Variants in SGCZ observed in about 807,000 individuals in gnomAD.
The protein encoded by SGCZ is zeta-sarcoglycan.
Under a neutral mutation model 41.3 loss-of-function variants are expected in SGCZ, and 40 were observed. The observed-to-expected ratio is 0.97, with a 90% confidence interval of 0.75 to 1.26. SGCZ has a LOEUF of 1.26. Ranked by LOEUF, SGCZ falls within the 50% of genes most tolerant of loss-of-function variation. The pLI, the probability that SGCZ is intolerant of heterozygous loss-of-function variation, is 0.00. For missense variants in SGCZ, 552 were observed against 369.8 expected (o/e 1.49, Z -4.04); for synonymous variants, 206 against 137.5 (o/e 1.50, Z -3.49).
intron 2 of SGCZ, among the ~76,000 whole-genome samples, chr8:14,424,831 G>A (rs375690680): frequency 2.6e-5 from 4 of 152,248 alleles, no homozygotes; most frequent in Admixed American, 6.5e-5. Context: ...TTATGCTGAT[G>A]TTGACAAGGA....
At chr8:14,136,221 T>A (rs997588842) in intron 5 of SGCZ, among the ~76,000 whole-genome samples, 1 of 152,104 alleles carries the variant, frequency 6.6e-6, no homozygotes, top group African/African-American at 2.4e-5. Flanking sequence ...AGTCTACAGC[T>A]CCCAGTGTGA....
chr8:14,211,146 G>A (rs915851013), intron 4 of SGCZ, among the ~76,000 whole-genome samples: 1 of 152,046 alleles, frequency 6.6e-6, no homozygotes, highest in Non-Finnish European at 1.5e-5. Context: ...GTTTTTCCTT[G>A]CCAGCTGGCA....
intron 2 of SGCZ, among the ~76,000 whole-genome samples, chr8:14,495,808 C>T (rs368295443): frequency 1.3e-5 from 2 of 152,028 alleles, no homozygotes; most frequent in East Asian, 3.9e-4. Context: ...TTTTTGAAGC[C>T]ATCCAAAAGC....
At chr8:14,188,730 G>C (rs1424624988) in intron 4 of SGCZ, among the ~76,000 whole-genome samples, 1 of 151,368 alleles carries the variant, frequency 6.6e-6, no homozygotes, top group East Asian at 1.9e-4. Flanking sequence ...AACTCTTCTA[G>C]CAAGTTTCAT....
intron 3 of SGCZ, among the ~76,000 whole-genome samples, chr8:14,247,686 G>T (rs1027917587): frequency 3.9e-5 from 6 of 152,230 alleles, no homozygotes; most frequent in African/African-American, 1.4e-4. Context: ...CTTCTATGTT[G>T]GGTTGCCACT....
chr8:15,237,103 T>A (rs951700339), intron 1 of SGCZ, among the ~76,000 whole-genome samples: 7 of 152,192 alleles, frequency 4.6e-5, no homozygotes, highest in Non-Finnish European at 8.8e-5. Flanking sequence ...GATGCCTCTG[T>A]CACGCGAATC....
rs572235196 is a variant in SGCZ at position 14,511,463 on chromosome 8, G to A, written c.234+43269C>T. Reference sequence around the variant, plus strand: ...AGAGTAATTTTTAAAAGAAGAACAAGCATAAGTGGACCAGCAAATGTGGTA... The same window carrying A: ...AGAGTAATTTTTAAAAGAAGAACAAACATAAGTGGACCAGCAAATGTGGTA... On this transcript the variant is annotated intron_variant, in intron 2 of 7. Coordinates refer to ENST00000382080, the MANE Select transcript of SGCZ (RefSeq NM_139167.4). Among the ~76,000 whole-genome samples, 37 of 152,034 alleles carry A rather than the reference G, an allele frequency of 2.4e-4. 1 individual carries two copies. The highest frequency in any genetic ancestry group is 7.7e-4 in the African/African-American group (32 of 41,526).
At chr8:15,166,340 C>T (rs897888347) in intron 1 of SGCZ, among the ~76,000 whole-genome samples, 1 of 151,800 alleles carries the variant, frequency 6.6e-6, no homozygotes, top group South Asian at 2.1e-4. Flanking sequence ...CTCTGCCTCC[C>T]GGGTTCACAC....
At chr8:15,170,695 G>C (rs55724220) in intron 1 of SGCZ, among the ~76,000 whole-genome samples, 1 of 152,126 alleles carries the variant, frequency 6.6e-6, no homozygotes, top group Admixed American at 6.5e-5. Flanking sequence ...GTTTTATGCA[G>C]AATAGTCGAT....
intron 7 of SGCZ, among the ~76,000 whole-genome samples, chr8:14,093,713 T>C (rs1801757712): frequency 6.6e-6 from 1 of 152,102 alleles, no homozygotes. Context: ...AGAATTCATA[T>C]ATCATAAGTA....
At chr8:14,580,862 G>C (rs1051402462) in intron 1 of SGCZ, among the ~76,000 whole-genome samples, 2 of 152,176 alleles carry the variant, frequency 1.3e-5, no homozygotes, top group Admixed American at 6.5e-5. Context: ...TCCAGCGATA[G>C]AAACATCATG....
intron 1 of SGCZ, among the ~76,000 whole-genome samples, chr8:14,610,703 G>GA (rs563872347): frequency 3.3e-4 from 50 of 152,156 alleles, no homozygotes; most frequent in African/African-American, 1.2e-3. Context: ...TTCATAAAAT[G>GA]AAAAAAATAA....
intron 3 of SGCZ, among the ~76,000 whole-genome samples, chr8:14,266,799 A>G (rs537046493): frequency 9.2e-5 from 14 of 152,262 alleles, no homozygotes; most frequent in Admixed American, 8.5e-4. Context: ...GAAGTAAATT[A>G]TGATGAAACT....
chr8:14,127,213 G>A (rs1313082862), intron 5 of SGCZ, among the ~76,000 whole-genome samples: 1 of 152,102 alleles, frequency 6.6e-6, no homozygotes, highest in Non-Finnish European at 1.5e-5. Context: ...TATTGTCAGT[G>A]AGAAAGCATA....
intron 2 of SGCZ, among the ~76,000 whole-genome samples, chr8:14,501,431 T>C (rs1008798655): frequency 6.6e-6 from 1 of 151,956 alleles, no homozygotes; most frequent in African/African-American, 2.4e-5. Context: ...AATTTAAAAT[T>C]TTAATACATA....
chr8:14,620,293 A>G (rs59322159), intron 1 of SGCZ, among the ~76,000 whole-genome samples: 6,837 of 152,216 alleles, frequency 0.045, 500 homozygotes, highest in African/African-American at 0.16. Context: ...TTAATTCAAG[A>G]TGGATTAAAG....
At chr8:14,774,564 A>C (rs890382769) in intron 1 of SGCZ, among the ~76,000 whole-genome samples, 1 of 152,154 alleles carries the variant, frequency 6.6e-6, no homozygotes, top group Non-Finnish European at 1.5e-5. Flanking sequence ...ATCAATCCTC[A>C]TGGTATTAGA....
intron 1 of SGCZ, among the ~76,000 whole-genome samples, chr8:14,886,002 TATATATATA>T (rs1804783221): frequency 1.1e-5 from 1 of 92,734 alleles, no homozygotes; most frequent in South Asian, 3.2e-4. Flanking sequence ...TATATATATA[TATATATATA>T]TATATATATA....
intron 2 of SGCZ, among the ~76,000 whole-genome samples, chr8:14,387,432 C>T (rs550175506): frequency 6.6e-6 from 1 of 152,128 alleles, no homozygotes; most frequent in African/African-American, 2.4e-5. Context: ...TTGTCAAAAA[C>T]CTTTACTTGT....
Sources: allele counts gnomAD v4.1 joint callset (sites outside exome capture counted in the v4.1 genomes callset), GRCh38; gene constraint gnomAD v4.1.1; transcripts MANE v1.5; gene names NCBI Gene and HGNC (gene_info 2026-07-23, HGNC 2026-07-21).